The following DDI2 variants were observed in gnomAD, a reference collection of about 807,000 sequenced individuals.
DDI2 encodes DDI proteasomal shuttling factor 2, also known as protein DDI1 homolog 2.
DDI2 carries 5 observed loss-of-function variants against 48.1 expected under a neutral mutation model. The observed-to-expected ratio is 0.10, with a 90% CI of 0.05 to 0.22. The LOEUF (loss-of-function observed/expected upper bound fraction) is 0.22, where lower values mean the gene tolerates loss of function less well. Ranked by LOEUF, DDI2 falls within the 10% of genes least tolerant of loss-of-function variation. DDI2 has a pLI of 1.00. For synonymous variants in DDI2, 205 were observed against 183.6 expected, an observed-to-expected ratio of 1.12 and a Z score of -0.94; for missense variants, 285 against 506.2, an observed-to-expected ratio of 0.56 and a Z score of 4.19.
intron 4 of DDI2, among the ~76,000 whole-genome samples, chr1:15,637,986 C>G (rs1329311790): frequency 6.6e-6 from 1 of 152,198 alleles, no homozygotes; most frequent in African/African-American, 2.4e-5. Context: ...AAAATTGGAA[C>G]ATTCCCGAAA....
chr1:15,659,613 C>T (rs1280864201), intron 9 of DDI2, among the ~76,000 whole-genome samples: 3 of 152,318 alleles, frequency 2.0e-5, no homozygotes, highest in South Asian at 2.1e-4. Context: ...CATTGAATTA[C>T]AGTATGCAGA....
chr1:15,625,711 C>A (rs1035734092), intron 1 of DDI2, among the ~76,000 whole-genome samples: 1 of 152,130 alleles, frequency 6.6e-6, no homozygotes, highest in Non-Finnish European at 1.5e-5. Context: ...CTTTGCCTCC[C>A]GGGTTTAAGC....
chr1:15,620,565 A>AAT (rs1213206475), intron 1 of DDI2, among the ~76,000 whole-genome samples: 1 of 151,996 alleles, frequency 6.6e-6, no homozygotes, highest in East Asian at 1.9e-4. Flanking sequence ...TCTTCAAGGA[A>AAT]ATATATATAT....
Position 15,638,350 on chromosome 1 carries a change from G to T in DDI2, c.676G>T (p.Ala226Ser). ...AAACATGACAATAGCTATGGAAGAG[G>T]CTCCGGAAAGTTTTGGCCAAGTAGT... ...EENMTIAMEEAPESFGQVVML... is the reference protein window; with the variant it reads ...EENMTIAMEESPESFGQVVML... Residue 226 changes from alanine (A) to serine (S), a missense_variant, in exon 5 of 10, where the codon GCT becomes TCT. Physicochemically the swap from Ala to Ser is moderately conservative, Grantham distance 99. Around this residue, in one of 3 missense-constraint regions of DDI2, gnomAD observed 70 missense variants for 182.3 expected, o/e 0.38. Transcript: ENST00000480945. 1.1e-5 allele frequency: 17 copies of T among 1,613,936 alleles called. No individual in the cohort carries two copies. The highest frequency in any genetic ancestry group is 1.4e-5 in the Non-Finnish European group (17 of 1,179,950).
chr1:15,638,662 G>A (rs139932741), intron 5 of DDI2, among the ~76,000 whole-genome samples: 1,561 of 150,158 alleles, frequency 0.01, 26 homozygotes, highest in African/African-American at 0.035. Flanking sequence ...GGCCTCCCAC[G>A]TAGCTGGGAT....
chr1:15,632,684 C>G (rs967030489), intron 3 of DDI2, among the ~76,000 whole-genome samples: 1 of 151,960 alleles, frequency 6.6e-6, no homozygotes, highest in Non-Finnish European at 1.5e-5. Flanking sequence ...ATGTATCTGG[C>G]TTAAGGCAGG....
Position 15,633,476 on chromosome 1 carries a change from C to G in DDI2, c.543C>G (p.Asp181Glu), listed in dbSNP as rs922851617. 1.9e-6 allele frequency: 3 copies of G among 1,613,604 alleles called. No individual in the cohort carries two copies. In the Admixed American group the frequency reaches 5.0e-5, roughly 27 times the overall value. The stretch of plus-strand genomic sequence containing the variant: ...GAGTCCTGGTGGAGCAGCAGCAGGA[C>G]CGAGCCCGGAGAGAGCAAGAAAGGA... ...FSRVLVEQQQ[D>E]RARREQERIR... is the part of the protein sequence containing the mutation. Residue 181 changes from aspartate to glutamate, a missense_variant, in exon 4 of 10, where the codon GAC becomes GAG. By Grantham distance (45) the Asp-to-Glu change is conservative (BLOSUM62 2). Around this residue, in one of 3 missense-constraint regions of DDI2, gnomAD observed 149 missense variants for 236.5 expected, o/e 0.63. Transcript: ENST00000480945.
rs769875042 is a variant in DDI2, at chr1:15,643,018, G to GA, written c.761-503dup. Among the ~76,000 whole-genome samples, 62 of 152,234 alleles carry GA rather than the reference G, an allele frequency of 4.1e-4. 4 individuals are homozygous for GA. The highest frequency in any genetic ancestry group is 3.7e-3 in the East Asian group (19 of 5,178). On this transcript the variant is annotated intron_variant, in intron 5 of 9. Transcript: ENST00000480945. ...GGAGGTGGAGCTTGTAGTGAGCTGA[G>GA]ACTGCGCCACTGCACTTCAGCCTGG...
intron 1 of DDI2, among the ~76,000 whole-genome samples, chr1:15,624,581 C>T (rs892055700): frequency 2.0e-5 from 3 of 152,132 alleles, no homozygotes; most frequent in African/African-American, 7.2e-5. Context: ...AATCCTCCTG[C>T]CTCAGACTCC....
chr1:15,647,946 A>G (rs1640116655), intron 6 of DDI2, among the ~76,000 whole-genome samples: 1 of 152,204 alleles, frequency 6.6e-6, no homozygotes, highest in African/African-American at 2.4e-5. Context: ...CCTGGGCAAT[A>G]GAGCAATACT....
chr1:15,654,860 C>T (rs1438878068), intron 8 of DDI2, among the ~76,000 whole-genome samples: 2 of 151,520 alleles, frequency 1.3e-5, no homozygotes, highest in African/African-American at 4.9e-5. Context: ...CAAGGTTTTG[C>T]ATTTGGGGTG....
intron 5 of DDI2, 133 bp from the exon 6 acceptor site, chr1:15,643,389 A>T: frequency 7.9e-7 from 1 of 1,261,384 alleles, no homozygotes; most frequent in Non-Finnish European, 1.1e-6. Flanking sequence ...CTTGCTAGGT[A>T]GAAATGAGTT....
chr1:15,620,947 T>A (rs1639650925), intron 1 of DDI2, among the ~76,000 whole-genome samples: 1 of 152,218 alleles, frequency 6.6e-6, no homozygotes, highest in East Asian at 1.9e-4. Flanking sequence ...TGGTTTAGAA[T>A]TCAGTCTTTC....
intron 3 of DDI2, among the ~76,000 whole-genome samples, chr1:15,632,133 T>C (rs1639855906): frequency 6.6e-6 from 1 of 152,178 alleles, no homozygotes; most frequent in Admixed American, 6.5e-5. Context: ...AACTTAATGC[T>C]TTTTAGATCC....
intron 9 of DDI2, among the ~76,000 whole-genome samples, chr1:15,659,239 A>T (rs1166101243): frequency 6.6e-6 from 1 of 152,196 alleles, no homozygotes; most frequent in East Asian, 1.9e-4. Context: ...CTCTCTGTCC[A>T]GGTATACCTG....
intron 5 of DDI2, among the ~76,000 whole-genome samples, chr1:15,642,130 A>T (rs988306062): frequency 6.6e-6 from 1 of 152,184 alleles, no homozygotes; most frequent in Non-Finnish European, 1.5e-5. Flanking sequence ...AGAAATCCAA[A>T]GTGAGAATTA....
At chr1:15,632,243 G>A (rs1639857749) in intron 3 of DDI2, among the ~76,000 whole-genome samples, 1 of 152,060 alleles carries the variant, frequency 6.6e-6, no homozygotes, top group Non-Finnish European at 1.5e-5. Context: ...TGATGATGGG[G>A]CATTTAAGTT....
chr1:15,656,462 TA>T, intron 8 of DDI2, 154 bp from the exon 9 acceptor site: 1 of 1,525,600 alleles, frequency 6.6e-7, no homozygotes. Context: ...AACCAACAAA[TA>T]TTTTGGATGT....
Position 15,660,199 on chromosome 1 carries a change from G to T in DDI2, c.*409G>T. 1 of 1,614,180 alleles carries T rather than the reference G, an allele frequency of 6.2e-7. No homozygotes were observed. The highest frequency in any genetic ancestry group is 1.1e-5 in the South Asian group (1 of 91,084). On this transcript the variant is annotated 3_prime_UTR_variant, in exon 10 of 10. Transcript: ENST00000480945. ...AGAAATAACTGTTGCAGGTAATCTGGAGAAATCTGCTGAAAGAAGCACCCA... is the reference window on the plus strand; with the variant it reads ...AGAAATAACTGTTGCAGGTAATCTGTAGAAATCTGCTGAAAGAAGCACCCA...
Sources: gnomAD v4.1 joint callset for allele counts (sites outside exome capture counted in the v4.1 genomes callset) on GRCh38, gnomAD v4.1.1 for gene constraint, gnomAD v4.1.1 regional missense constraint, MANE v1.5 for transcripts, NCBI Gene and HGNC (gene_info 2026-07-23, HGNC 2026-07-21) for gene names.